Variants in ADAM29 observed in about 807,000 individuals in gnomAD.
ADAM29 encodes the protein disintegrin and metalloproteinase domain-containing protein 29.
For missense variants in ADAM29, 969 were observed against 1,001.8 expected (o/e 0.97, Z 0.44); for synonymous variants, 367 against 342.3 (o/e 1.07, Z -0.80).
intron 2 of ADAM29, among the ~76,000 whole-genome samples, chr4:174,929,173 C>A (rs1743696623): frequency 1.3e-5 from 2 of 152,068 alleles, no homozygotes; most frequent in African/African-American, 4.8e-5. Context: ...TGACAGTTTC[C>A]TTATTTTGTT....
At chr4:174,937,669 C>T (rs1243869571) in intron 4 of ADAM29, among the ~76,000 whole-genome samples, 2 of 151,962 alleles carry the variant, frequency 1.3e-5, no homozygotes, top group African/African-American at 2.4e-5. Context: ...GTACCCTATT[C>T]GCCTGGCTAG....
rs761358074 is a variant in ADAM29, at chr4:174,976,076, C to T, written c.551C>T (p.Thr184Ile). The change falls in exon 5 of 5, where the codon ACT (threonine) becomes ATT (isoleucine). Residue 184 changes from threonine to isoleucine, a missense_variant. Coordinates refer to ENST00000359240, the MANE Select transcript of ADAM29 (RefSeq NM_014269.4). ...GAATTTGAAGAAATTGATAATTCCACTCAGAAGCAAAGTTCTTATGTGGGC... is the reference window on the plus strand; with the variant it reads ...GAATTTGAAGAAATTGATAATTCCATTCAGAAGCAAAGTTCTTATGTGGGC... Reference protein sequence around the residue: ...RMEFEEIDNSTQKQSSYVGWW... With the variant: ...RMEFEEIDNSIQKQSSYVGWW... 3.7e-6 allele frequency: 6 copies of T among 1,610,264 alleles called. No individual in the cohort carries two copies. The African/African-American group carries it at 8.0e-5, about 22-fold the overall frequency.
chr4:174,971,822 C>T (rs1020966336), intron 4 of ADAM29, among the ~76,000 whole-genome samples: 9 of 152,088 alleles, frequency 5.9e-5, no homozygotes, highest in African/African-American at 1.9e-4. Flanking sequence ...TCTGATACTT[C>T]CTTAATGCTT....
chr4:174,975,102 C>G (rs186620723), intron 4 of ADAM29, among the ~76,000 whole-genome samples: 2 of 152,004 alleles, frequency 1.3e-5, no homozygotes, highest in Admixed American at 6.6e-5. Context: ...AATCAATTTC[C>G]CACCGTTTAT....
intron 4 of ADAM29, among the ~76,000 whole-genome samples, chr4:174,966,400 C>G (rs182621906): frequency 6.6e-6 from 1 of 152,190 alleles, no homozygotes; most frequent in Admixed American, 6.5e-5. Context: ...ATGGGTGAGA[C>G]TCCAAGCAAA....
intron 4 of ADAM29, among the ~76,000 whole-genome samples, chr4:174,966,745 T>C (rs548653352): frequency 1.1e-4 from 16 of 152,310 alleles, no homozygotes; most frequent in African/African-American, 2.6e-4. Context: ...GTCAAGATCA[T>C]GTCCCTCACT....
chr4:174,956,978 G>A (rs1353043762), intron 4 of ADAM29, among the ~76,000 whole-genome samples: 1 of 151,874 alleles, frequency 6.6e-6, no homozygotes, highest in Non-Finnish European at 1.5e-5. Flanking sequence ...ACTTTTCAGT[G>A]TTGGCTGAAG....
chr4:174,949,503 C>T (rs149667243), intron 4 of ADAM29, among the ~76,000 whole-genome samples: 5 of 152,050 alleles, frequency 3.3e-5, no homozygotes, highest in Admixed American at 3.3e-4. Context: ...GTGTGAATTA[C>T]CCCTTCGCCA....
chr4:174,941,117 G>A (rs1396087540), intron 4 of ADAM29, among the ~76,000 whole-genome samples: 18 of 151,898 alleles, frequency 1.2e-4, no homozygotes, highest in Non-Finnish European at 1.8e-4. Context: ...GTTAAATTAA[G>A]GATTATAGAT....
Position 174,974,089 on chromosome 4 carries a change from T to G in ADAM29, c.-180-1257T>G, listed in dbSNP as rs1340869250. Among the ~76,000 whole-genome samples the G allele has an allele frequency of 2.6e-5, 4 of 152,312 alleles. No individual in the cohort carries two copies. In the East Asian group the frequency reaches 7.7e-4, roughly 29 times the overall value. ...ATGGGTGGAATGGACAGCCCACCAG[T>G]GCACTGAATGTGGACTGTGTTTGGT... On this transcript the variant is annotated intron_variant, in intron 4 of 4. Transcript: ENST00000359240.
chr4:174,968,014 A>G (rs1426300107), intron 4 of ADAM29, among the ~76,000 whole-genome samples: 2 of 152,114 alleles, frequency 1.3e-5, no homozygotes, highest in African/African-American at 4.8e-5. Flanking sequence ...TTTGTTCATT[A>G]TACTCGCTTT....
intron 3 of ADAM29, among the ~76,000 whole-genome samples, chr4:174,933,163 A>G (rs1429769307): frequency 6.6e-6 from 1 of 152,174 alleles, no homozygotes; most frequent in Non-Finnish European, 1.5e-5. Context: ...CTGGGATAAC[A>G]AAAAGCTCTC....
intron 4 of ADAM29, among the ~76,000 whole-genome samples, chr4:174,952,350 CCACACACACA>C (rs70947476): frequency 7.6e-5 from 11 of 144,970 alleles, no homozygotes; most frequent in Non-Finnish European, 9.1e-5. Flanking sequence ...AGTGCAATAA[CCACACACACA>C]CACACACACA....
intron 4 of ADAM29, among the ~76,000 whole-genome samples, chr4:174,971,263 G>A (rs538826889): frequency 2.6e-5 from 4 of 152,194 alleles, no homozygotes; most frequent in African/African-American, 9.6e-5. Flanking sequence ...TTGCAGTAAT[G>A]CAATATCTGT....
intron 4 of ADAM29, among the ~76,000 whole-genome samples, chr4:174,961,685 A>G (rs1745830677): frequency 6.6e-6 from 1 of 152,220 alleles, no homozygotes; most frequent in African/African-American, 2.4e-5. Context: ...ATAATAAGAA[A>G]TAAAACAAGA....
intron 3 of ADAM29, among the ~76,000 whole-genome samples, chr4:174,932,087 G>A (rs1359784362): frequency 6.6e-6 from 1 of 152,004 alleles, no homozygotes; most frequent in African/African-American, 2.4e-5. Flanking sequence ...TCAGGATTTC[G>A]AGACCAGCCT....
intron 3 of ADAM29, among the ~76,000 whole-genome samples, chr4:174,935,918 T>C (rs1259588435): frequency 3.3e-5 from 5 of 152,024 alleles, no homozygotes; most frequent in Admixed American, 2.0e-4. Context: ...AGAATTATGT[T>C]TGCACTGGTA....
intron 4 of ADAM29, among the ~76,000 whole-genome samples, chr4:174,956,001 A>G (rs1234125814): frequency 1.3e-5 from 2 of 152,024 alleles, no homozygotes; most frequent in South Asian, 4.1e-4. Context: ...GTTCTTTCCT[A>G]TTGTGCTCAG....
At position 174,976,767 on chromosome 4, in the gene ADAM29, A is replaced by G; in HGVS notation, c.1242A>G (p.Gly414=). The part of the protein sequence containing the change: ...VVEEGEECDC[G]PLKHCAKDPC... ...AAGAAGGAGAAGAGTGTGACTGTGG[A>G]CCTTTAAAGCATTGTGCAAAAGATC... is the stretch of plus-strand genomic sequence containing the variant. The change falls in exon 5 of 5, where the codon GGA becomes GGG. Residue 414 remains glycine (G), a synonymous_variant. Coordinates refer to ENST00000359240, the MANE Select transcript of ADAM29 (RefSeq NM_014269.4). The G allele has an allele frequency of 1.2e-6, 2 of 1,614,096 alleles. No individual in the cohort carries two copies. Among genetic ancestry groups the G allele is most frequent in the East Asian group, 2.2e-5 (1 of 44,858 alleles).
Sources: allele counts gnomAD v4.1 joint callset (sites outside exome capture counted in the v4.1 genomes callset), GRCh38; gene constraint gnomAD v4.1.1; transcripts MANE v1.5; gene names NCBI Gene and HGNC (gene_info 2026-07-23, HGNC 2026-07-21).